VPS13D: variants seen among roughly 807,000 people sequenced by gnomAD.
VPS13D encodes the protein vacuolar protein sorting 13 homolog D, also known as intermembrane lipid transfer protein VPS13D.
Under a neutral mutation model 461.9 loss-of-function variants are expected in VPS13D, and 187 were observed. The ratio of observed to expected loss-of-function variants is 0.40; its 90% CI spans 0.36 to 0.46. The LOEUF is 0.46. VPS13D is among the 20% of genes least tolerant of loss of function. The pLI is 0.60. For synonymous variants in VPS13D, 1,951 were observed against 1,986.3 expected (o/e 0.98, Z 0.47); for missense variants, 4,711 against 5,364.9 (o/e 0.88, Z 3.81).
At chr1:12,448,025 CAGT>C (rs1181665627) in intron 65 of VPS13D, among the ~76,000 whole-genome samples, 1 of 152,128 alleles carries the variant, frequency 6.6e-6, no homozygotes, top group East Asian at 1.9e-4. Context: ...ATAGGATTTC[CAGT>C]AATAACCCTT....
intron 63 of VPS13D, among the ~76,000 whole-genome samples, chr1:12,413,787 T>C (rs1386041110): frequency 1.3e-5 from 2 of 152,034 alleles, no homozygotes; most frequent in Non-Finnish European, 2.9e-5. Context: ...ATCTTTTTTT[T>C]TTTTTTTAAA....
intron 47 of VPS13D, among the ~76,000 whole-genome samples, chr1:12,354,761 T>C (rs1643871896): frequency 6.6e-6 from 1 of 152,336 alleles, no homozygotes; most frequent in East Asian, 1.9e-4. Flanking sequence ...ATTCCAGGCA[T>C]ACCTGGGCTT....
At chr1:12,249,527 T>A (rs1406052631) in intron 6 of VPS13D, 188 bp downstream of exon 6, 1 of 469,124 alleles carries the variant, frequency 2.1e-6, no homozygotes, top group Non-Finnish European at 3.8e-6. Flanking sequence ...CAGGTAATTT[T>A]CTCTGACCTT....
intron 39 of VPS13D, chr1:12,337,435 T>C (rs1224700678): frequency 1.3e-5 from 2 of 152,236 alleles, no homozygotes; most frequent in Non-Finnish European, 2.9e-5. Context: ...ACAAAAGTTA[T>C]GCTTTTTATT....
chr1:12,496,862 T>G lies in VPS13D; in HGVS notation c.12663-638T>G, dbSNP rs574618842. 5.5e-3 allele frequency among the ~76,000 whole-genome samples: 824 copies of G among 149,246 alleles called. 2 individuals are homozygous for G. The highest frequency in any genetic ancestry group is 9.3e-3 in the Non-Finnish European group (632 of 67,822). ...ATCCCAGCCTGTGGCCTGGGCCAGG[T>G]CCAGGTCCAGGTCCAGGTCCAGGTC... On this transcript the variant is annotated intron_variant, in intron 67 of 69. Coordinates refer to ENST00000620676, the MANE Select transcript of VPS13D (RefSeq NM_015378.4).
chr1:12,327,730 T>G lies in VPS13D; in HGVS notation c.8073T>G (p.Asp2691Glu), dbSNP rs933010475. 6.2e-7 allele frequency: 1 copy of G among 1,614,180 alleles called. No homozygotes were observed. The highest frequency in any genetic ancestry group is 8.5e-7 in the Non-Finnish European group (1 of 1,180,016). ...TTTCCTTGGCCTCCACCAGCCGAGA[T>G]AGCCCAGGGGCTGTGGCAGCGCCAT... is the stretch of plus-strand genomic sequence containing the variant. ...KSLSLASTSR[D>E]SPGAVAAPLI... is the part of the protein sequence containing the mutation. The change falls in exon 36 of 70, where the codon GAT (aspartate) becomes GAG (glutamate). Residue 2691 changes from aspartate (D) to glutamate (E), a missense_variant. By Grantham distance (45) the Asp-to-Glu change is conservative. Transcript: ENST00000620676.
At chr1:12,351,179 A>G (rs773907107) in intron 46 of VPS13D, among the ~76,000 whole-genome samples, 1 of 152,194 alleles carries the variant, frequency 6.6e-6, no homozygotes, top group African/African-American at 2.4e-5. Flanking sequence ...ACAATTCCGA[A>G]CTCATTTTAT....
intron 28 of VPS13D, 53 bp from the exon 29 acceptor site, chr1:12,311,760 G>C: frequency 6.3e-7 from 1 of 1,592,020 alleles, no homozygotes; most frequent in Non-Finnish European, 8.6e-7. Context: ...GTATGAGCCT[G>C]TTTTTAGGAT....
intron 19 of VPS13D, among the ~76,000 whole-genome samples, chr1:12,278,651 T>G (rs1641689981): frequency 6.6e-6 from 1 of 152,196 alleles, no homozygotes; most frequent in Non-Finnish European, 1.5e-5. Flanking sequence ...AGTGGATGGA[T>G]GTTGTTAAAG....
chr1:12,391,764 A>C (rs1002654667), intron 60 of VPS13D, among the ~76,000 whole-genome samples: 2 of 152,226 alleles, frequency 1.3e-5, no homozygotes, highest in African/African-American at 4.8e-5. Context: ...CTATGTGATC[A>C]AACAAAACAT....
chr1:12,339,100 GTTT>G (rs370269228), intron 40 of VPS13D, among the ~76,000 whole-genome samples: 1 of 149,190 alleles, frequency 6.7e-6, no homozygotes, highest in African/African-American at 2.5e-5. Context: ...ATTGCCCTGG[GTTT>G]TTTTTTTCTG....
intron 6 of VPS13D, among the ~76,000 whole-genome samples, chr1:12,251,379 C>T (rs1435301866): frequency 2.0e-5 from 3 of 152,220 alleles, no homozygotes; most frequent in African/African-American, 7.2e-5. Flanking sequence ...TGTCCATCCT[C>T]ATATGACCGT....
chr1:12,252,605 C>A (rs189844943), intron 6 of VPS13D, among the ~76,000 whole-genome samples: 181 of 151,930 alleles, frequency 1.2e-3, no homozygotes, highest in African/African-American at 4.2e-3. Context: ...AACCCCATCT[C>A]TATTAAAAAT....
intron 67 of VPS13D, among the ~76,000 whole-genome samples, chr1:12,488,120 A>G (rs567736258): frequency 6.6e-6 from 1 of 152,374 alleles, no homozygotes; most frequent in East Asian, 1.9e-4. Flanking sequence ...TCATTCAGAC[A>G]GGTCCAGGAG....
At chr1:12,267,736 G>T in intron 14 of VPS13D, 109 bp from the exon 15 acceptor site, 1 of 975,284 alleles carries the variant, frequency 1.0e-6, no homozygotes, top group South Asian at 1.4e-5. Context: ...AGTGAGTTTT[G>T]ATTTGATGGT....
intron 26 of VPS13D, among the ~76,000 whole-genome samples, chr1:12,307,587 G>A (rs944457271): frequency 6.6e-6 from 1 of 152,074 alleles, no homozygotes; most frequent in East Asian, 1.9e-4. Flanking sequence ...TCTGCCTCCC[G>A]AGTTCAAGCC....
chr1:12,372,108 C>T (rs1230518326), intron 54 of VPS13D, among the ~76,000 whole-genome samples: 4 of 152,090 alleles, frequency 2.6e-5, no homozygotes, highest in Non-Finnish European at 2.9e-5. Flanking sequence ...GGCTGGAGTG[C>T]AGTGGCACAA....
At chr1:12,259,579 C>T (rs1641038422) in intron 10 of VPS13D, among the ~76,000 whole-genome samples, 2 of 152,152 alleles carry the variant, frequency 1.3e-5, no homozygotes, top group African/African-American at 4.8e-5. Flanking sequence ...GCTGGGATTA[C>T]AGACCTGAGC....
chr1:12,498,616 G>T (rs922621484), intron 68 of VPS13D, among the ~76,000 whole-genome samples: 2 of 152,152 alleles, frequency 1.3e-5, no homozygotes, highest in African/African-American at 4.8e-5. Context: ...GTACTTTCTT[G>T]TTTCGTCTAC....
Sources: allele counts gnomAD v4.1 joint callset (sites outside exome capture counted in the v4.1 genomes callset), GRCh38; gene constraint gnomAD v4.1.1; transcripts MANE v1.5; gene names NCBI Gene and HGNC (gene_info 2026-07-23, HGNC 2026-07-21).